HERC3: variants seen among roughly 807,000 people sequenced by gnomAD.
HERC3 encodes HECT and RLD domain containing E3 ubiquitin protein ligase 3.
Under a neutral mutation model 129.9 loss-of-function variants are expected in HERC3, and 58 were observed. The observed-to-expected ratio is 0.45, with a 90% confidence interval of 0.36 to 0.56. HERC3 has a LOEUF of 0.56. Ranked by LOEUF, HERC3 falls within the 20% of genes least tolerant of loss-of-function variation. HERC3 has a pLI of 0.00. For missense variants in HERC3, 835 were observed against 1,244.2 expected, an observed-to-expected ratio of 0.67 and a Z score of 4.95; for synonymous variants, 430 against 451.0, an observed-to-expected ratio of 0.95 and a Z score of 0.59.
chr4:88,587,693 GA>G (rs1438163837), upstream of HERC3, among the ~76,000 whole-genome samples: 1 of 152,144 alleles, frequency 6.6e-6, no homozygotes. Context: ...AAAGGAAGGA[GA>G]TTTTTTTCAC....
At chr4:88,706,060 G>C (rs1735750924) in intron 25 of HERC3, among the ~76,000 whole-genome samples, 1 of 152,192 alleles carries the variant, frequency 6.6e-6, no homozygotes, top group Admixed American at 6.5e-5. Context: ...GGCACTTTCT[G>C]TTCATTAGAC....
chr4:88,690,056 A>G (rs1052748596), intron 23 of HERC3: 2 of 985,260 alleles, frequency 2.0e-6, no homozygotes, highest in African/African-American at 3.5e-5. Flanking sequence ...GACACCCAAC[A>G]AAACTGGCTT....
At chr4:88,671,546 C>CA (rs1335336396) in intron 16 of HERC3, among the ~76,000 whole-genome samples, 2 of 151,710 alleles carry the variant, frequency 1.3e-5, no homozygotes, top group Non-Finnish European at 2.9e-5. Context: ...TTTTTTGAGA[C>CA]AAGGTCTGGC....
the HERC3 span, among the ~76,000 whole-genome samples, chr4:88,578,401 G>A: frequency 6.6e-6 from 1 of 152,034 alleles, no homozygotes; most frequent in Non-Finnish European, 1.5e-5. Context: ...GGCCAACATG[G>A]TGAAACCCCA....
chr4:88,567,489 G>T, the HERC3 span, among the ~76,000 whole-genome samples: 5 of 150,822 alleles, frequency 3.3e-5, no homozygotes, highest in African/African-American at 1.2e-4. Context: ...TTTTTCTTTT[G>T]TCTCCTCTGA....
intron 3 of HERC3, among the ~76,000 whole-genome samples, chr4:88,646,872 A>G (rs148407332): frequency 2.6e-5 from 4 of 152,320 alleles, no homozygotes; most frequent in Admixed American, 6.5e-5. Flanking sequence ...TTGGTTCTCC[A>G]TCAACATTTG....
At chr4:88,653,320 T>C (rs1365689566) in intron 6 of HERC3, among the ~76,000 whole-genome samples, 1 of 152,072 alleles carries the variant, frequency 6.6e-6, no homozygotes, top group Non-Finnish European at 1.5e-5. Context: ...TTACATAAGG[T>C]GGTGGGGAAG....
At chr4:88,624,348 T>G (rs1725864230) in intron 3 of HERC3, among the ~76,000 whole-genome samples, 1 of 152,214 alleles carries the variant, frequency 6.6e-6, no homozygotes, top group Non-Finnish European at 1.5e-5. Context: ...TGCCAGTAAT[T>G]TATGAGAGTT....
rs1271371038 is a variant in HERC3, at chr4:88,635,306, A to G, written c.227-14534A>G. On this transcript the variant is annotated intron_variant, in intron 3 of 25. Coordinates refer to ENST00000402738, the MANE Select transcript of HERC3 (RefSeq NM_014606.3). ...GAATAACCAGTTTAAAGAGGAACGT[A>G]AACGACCTGATGAAGCTGAAAAATG... 2.0e-5 allele frequency among the ~76,000 whole-genome samples: 3 copies of G among 152,086 alleles called. No homozygotes were observed. In the East Asian group the frequency reaches 5.8e-4, roughly 29 times the overall value.
chr4:88,704,005 A>G, intron 23 of HERC3, 93 bp from the exon 24 acceptor site: 1 of 1,161,622 alleles, frequency 8.6e-7, no homozygotes, highest in African/African-American at 1.5e-5. Flanking sequence ...ATGAAATTCT[A>G]TTTTTTATCA....
At chr4:88,659,437 G>T (rs1730256730) in intron 10 of HERC3, among the ~76,000 whole-genome samples, 1 of 152,232 alleles carries the variant, frequency 6.6e-6, no homozygotes, top group African/African-American at 2.4e-5. Flanking sequence ...TTCTGATTCT[G>T]TGATTAGGTT....
At chr4:88,582,776 CT>C in the HERC3 span, among the ~76,000 whole-genome samples, 1 of 152,202 alleles carries the variant, frequency 6.6e-6, no homozygotes, top group Non-Finnish European at 1.5e-5. Flanking sequence ...CTGTAACTTG[CT>C]GCCACCTTCC....
In HERC3 at chr4:88,662,564, C is replaced by A; in HGVS notation, c.1271+9C>A. Reference sequence around the variant, plus strand: ...AATGCAAATACAATCAAGTATGTGGCTGCTTGTCTTCATTTTTTTTTCCAC... The same window carrying A: ...AATGCAAATACAATCAAGTATGTGGATGCTTGTCTTCATTTTTTTTTCCAC... On this transcript the variant is annotated intron_variant, in intron 11 of 25. Coordinates refer to ENST00000402738, the MANE Select transcript of HERC3 (RefSeq NM_014606.3). 6.3e-7 allele frequency: 1 copy of A among 1,590,992 alleles called. No homozygotes were observed. The highest frequency in any genetic ancestry group is 8.5e-7 in the Non-Finnish European group (1 of 1,173,766).
chr4:88,606,342 C>T (rs1342069715), intron 3 of HERC3, among the ~76,000 whole-genome samples: 1 of 151,706 alleles, frequency 6.6e-6, no homozygotes, highest in Non-Finnish European at 1.5e-5. Context: ...ACCTCCACCT[C>T]CCAGGTTCAG....
the HERC3 span, among the ~76,000 whole-genome samples, chr4:88,539,676 C>G: frequency 6.6e-6 from 1 of 152,168 alleles, no homozygotes; most frequent in Non-Finnish European, 1.5e-5. Context: ...CGACAGACAC[C>G]TCATACAGGC....
At chr4:88,704,851 T>TTTTCTTTC (rs992882754) in intron 25 of HERC3, among the ~76,000 whole-genome samples, 11 of 147,486 alleles carry the variant, frequency 7.5e-5, no homozygotes, top group African/African-American at 2.8e-4. Flanking sequence ...CTGATTTTTC[T>TTTTCTTTC]TTTCTTTCTT....
At chr4:88,664,248 T>C (rs769534354) in intron 12 of HERC3, 36 bp downstream of exon 12, 6 of 1,390,252 alleles carry the variant, frequency 4.3e-6, no homozygotes, top group African/African-American at 1.4e-5. Flanking sequence ...CCCTCACGTG[T>C]ACCTGTAGTC....
the HERC3 span, among the ~76,000 whole-genome samples, chr4:88,551,130 T>C: frequency 5.3e-5 from 8 of 151,364 alleles, no homozygotes; most frequent in Admixed American, 5.3e-4. Flanking sequence ...ATACAAAAAT[T>C]AATTCAAGAT....
chr4:88,686,954 G>T, intron 22 of HERC3, 152 bp downstream of exon 22: 1 of 657,530 alleles, frequency 1.5e-6, no homozygotes. Context: ...GAGTGTTATA[G>T]GGGTTCAGTG....
Sources: allele counts gnomAD v4.1 joint callset (sites outside exome capture counted in the v4.1 genomes callset), GRCh38; gene constraint gnomAD v4.1.1; transcripts MANE v1.5; gene names NCBI Gene and HGNC (gene_info 2026-07-23, HGNC 2026-07-21).